Variants in INTS6 observed in about 807,000 individuals in gnomAD.
INTS6 encodes DEAD box protein.
In INTS6, 16 loss-of-function variants were observed where a neutral mutation model predicts 104.9. That is an observed-to-expected ratio of 0.15 (90% CI 0.10 to 0.23). The LOEUF is 0.23. INTS6 is among the 10% of genes least tolerant of loss of function. The pLI is 1.00. For synonymous variants in INTS6, 324 were observed against 358.7 expected (o/e 0.90, Z 1.09); for missense variants, 584 against 1,062.8 (o/e 0.55, Z 6.26).
At chr13:51,335,877 A>G in the INTS6 span, 1 of 152,314 alleles carries the variant, frequency 6.6e-6, no homozygotes, top group South Asian at 2.1e-4. Flanking sequence ...CAGGTATGTA[A>G]ATTTAAAATG....
At chr13:51,408,530 A>AT (rs1956619650) in intron 4 of INTS6, among the ~76,000 whole-genome samples, 1 of 152,312 alleles carries the variant, frequency 6.6e-6, no homozygotes, top group South Asian at 2.1e-4. Context: ...GCTTTGAATC[A>AT]TTTTGGAGAG....
the INTS6 span, chr13:51,341,078 C>G: frequency 6.2e-7 from 1 of 1,611,498 alleles, no homozygotes; most frequent in Non-Finnish European, 8.5e-7. Flanking sequence ...ATTGCAGGAA[C>G]CCTCCCAGCC....
intron 4 of INTS6, among the ~76,000 whole-genome samples, chr13:51,396,795 A>C (rs1377589457): frequency 6.6e-6 from 1 of 152,212 alleles, no homozygotes; most frequent in Non-Finnish European, 1.5e-5. Context: ...CCAATAAATC[A>C]GTGGCATAAA....
downstream of INTS6, among the ~76,000 whole-genome samples, chr13:51,349,821 T>G (rs74906092): frequency 6.6e-6 from 1 of 152,224 alleles, no homozygotes; most frequent in Admixed American, 6.5e-5. Context: ...ATTCTGATAA[T>G]TTTTTTTAAA....
chr13:51,427,737 C>T (rs987081201), intron 4 of INTS6, among the ~76,000 whole-genome samples: 1 of 152,134 alleles, frequency 6.6e-6, no homozygotes, highest in Non-Finnish European at 1.5e-5. Flanking sequence ...ATTTTGAACT[C>T]AATGACTACC....
chr13:51,417,094 C>T (rs567111774), intron 4 of INTS6, among the ~76,000 whole-genome samples: 3 of 152,120 alleles, frequency 2.0e-5, no homozygotes, highest in Admixed American at 2.0e-4. Context: ...TATGTTGTTA[C>T]AGTTCTTTAT....
At chr13:51,344,120 G>T in the INTS6 span, 1 of 684,778 alleles carries the variant, frequency 1.5e-6, no homozygotes, top group Non-Finnish European at 2.6e-6. Flanking sequence ...AACTGGCTTT[G>T]TATGGTAGAT....
chr13:51,383,038 G>A (rs1034338092), intron 9 of INTS6, among the ~76,000 whole-genome samples: 7 of 152,078 alleles, frequency 4.6e-5, no homozygotes, highest in African/African-American at 1.4e-4. Context: ...CTGAGAATAC[G>A]CCACTGCACT....
rs1955874959 is a variant in INTS6 at position 51,374,425 on chromosome 13, A to G, written c.1887T>C (p.Asp629=). 2 of 1,613,924 alleles carry G rather than the reference A, an allele frequency of 1.2e-6. No individual in the cohort carries two copies. Among genetic ancestry groups the G allele is most frequent in the South Asian group, 1.1e-5 (1 of 91,074 alleles). The part of the protein sequence containing the change: ...FKLDKKGMMI[D]EADEFVAGPQ... ...GTCCAGCCACAAATTCATCTGCTTC[A>G]TCTATCATCATACCCTTTAGCAAAA... The change falls in exon 15 of 18, where the codon GAT becomes GAC. Residue 629 remains aspartate (D), a synonymous_variant. Coordinates refer to ENST00000311234, the MANE Select transcript of INTS6 (RefSeq NM_012141.3).
At chr13:51,401,102 C>T (rs1029830735) in intron 4 of INTS6, among the ~76,000 whole-genome samples, 3 of 152,048 alleles carry the variant, frequency 2.0e-5, no homozygotes, top group African/African-American at 7.2e-5. Context: ...TATGCCTCAA[C>T]TGAACAAGAG....
chr13:51,433,842 T>C (rs941705884), intron 3 of INTS6, among the ~76,000 whole-genome samples: 3 of 152,176 alleles, frequency 2.0e-5, no homozygotes, highest in African/African-American at 4.8e-5. Flanking sequence ...ATTACTATAA[T>C]AACAATAACA....
chr13:51,376,676 C>A (rs891677778), intron 12 of INTS6, among the ~76,000 whole-genome samples: 2 of 152,156 alleles, frequency 1.3e-5, no homozygotes, highest in African/African-American at 4.8e-5. Context: ...GACTTGCTTT[C>A]TTTCTATGCT....
At chr13:51,360,219 TTCA>T (rs1406544791), downstream of INTS6, among the ~76,000 whole-genome samples, 1 of 152,090 alleles carries the variant, frequency 6.6e-6, no homozygotes, top group Admixed American at 6.6e-5. Flanking sequence ...ACAATATGTG[TTCA>T]TCAAACTGAT....
At chr13:51,429,763 C>CA (rs35873020) in intron 4 of INTS6, among the ~76,000 whole-genome samples, 1,505 of 26,954 alleles carry the variant, frequency 0.056, 94 homozygotes, top group Non-Finnish European at 0.073. Context: ...GACTCTGTCT[C>CA]AAAAAAAAAA....
intron 4 of INTS6, among the ~76,000 whole-genome samples, chr13:51,401,504 G>A (rs1045257522): frequency 2.0e-5 from 3 of 152,242 alleles, no homozygotes; most frequent in Non-Finnish European, 4.4e-5. Flanking sequence ...TGTTTTCTGA[G>A]AGTTAATCCC....
downstream of INTS6, among the ~76,000 whole-genome samples, chr13:51,358,366 T>A (rs940314670): frequency 1.8e-4 from 27 of 152,182 alleles, no homozygotes; most frequent in African/African-American, 5.8e-4. Flanking sequence ...TGGGACACAA[T>A]GTTTATACAA....
intron 5 of INTS6, among the ~76,000 whole-genome samples, chr13:51,391,268 CA>C (rs1280005076): frequency 6.6e-6 from 1 of 151,930 alleles, no homozygotes; most frequent in Non-Finnish European, 1.5e-5. Flanking sequence ...CATTAAAAAG[CA>C]AAAATTTTAA....
At chr13:51,367,406 T>C (rs905938902) in intron 17 of INTS6, among the ~76,000 whole-genome samples, 1 of 152,054 alleles carries the variant, frequency 6.6e-6, no homozygotes, top group African/African-American at 2.4e-5. Flanking sequence ...TTTGTCCAAT[T>C]CTTGTCTCCT....
chr13:51,341,214 G>A, the INTS6 span: 1 of 1,614,052 alleles, frequency 6.2e-7, no homozygotes, highest in Admixed American at 1.7e-5. Flanking sequence ...ACCAGAGTGT[G>A]GCCGCGTGTA....
Sources: allele counts gnomAD v4.1 joint callset (sites outside exome capture counted in the v4.1 genomes callset), GRCh38; gene constraint gnomAD v4.1.1; transcripts MANE v1.5; gene names NCBI Gene and HGNC (gene_info 2026-07-23, HGNC 2026-07-21).